Variants in COL8A2 observed in about 807,000 individuals in gnomAD.
COL8A2 encodes collagen type VIII alpha 2 chain.
Under a neutral mutation model 24.0 loss-of-function variants are expected in COL8A2, and 16 were observed. The observed-to-expected ratio is 0.67, with a 90% confidence interval of 0.45 to 1.01. COL8A2 has a LOEUF of 1.01. Among genes scored for constraint, COL8A2 ranks in the 50% least tolerant of loss-of-function variants. COL8A2 has a pLI of 0.00. For synonymous variants in COL8A2, 466 were observed against 424.5 expected, an observed-to-expected ratio of 1.10 and a Z score of -1.20; for missense variants, 818 against 942.4, an observed-to-expected ratio of 0.87 and a Z score of 1.73.
At chr1:36,102,965 AC>A (rs955889081) in intron 2 of COL8A2, among the ~76,000 whole-genome samples, 2 of 151,900 alleles carry the variant, frequency 1.3e-5, no homozygotes, top group Non-Finnish European at 2.9e-5. Flanking sequence ...GAGCCACTGC[AC>A]CCAGCCTAAA....
intron 1 of COL8A2, among the ~76,000 whole-genome samples, chr1:36,120,831 A>G (rs941917649): frequency 1.3e-5 from 2 of 151,000 alleles, no homozygotes; most frequent in Non-Finnish European, 2.9e-5. Context: ...GCTAACACCT[A>G]TAATCCCAGC....
In COL8A2 at chr1:36,099,030, C is replaced by T. The variant is rs766931276; in HGVS notation, c.651G>A (p.Gly217=). ...CGGGGGCACCCCCCTGCCCTGGGGC[C>T]CCAGGCAGCCCGGGCTGGCCCACTC... The part of the protein sequence containing the change: ...DNGVGQPGLP[G]APGQGGAPGP... Residue 217 remains glycine (G), a synonymous_variant, in exon 4 of 4, where the codon GGG becomes GGA. Coordinates refer to ENST00000397799, the MANE Select transcript of COL8A2 (RefSeq NM_005202.4). 1.9e-6 allele frequency: 3 copies of T among 1,552,240 alleles called. No homozygotes were observed. Among genetic ancestry groups the T allele is most frequent in the Non-Finnish European group, 2.6e-6 (3 of 1,151,244 alleles).
chr1:36,118,881 G>A lies in COL8A2; in HGVS notation c.-61-3129C>T, dbSNP rs541745294. 6.6e-4 allele frequency among the ~76,000 whole-genome samples: 100 copies of A among 152,350 alleles called. 2 individuals are homozygous for A. The highest frequency in any genetic ancestry group is 6.8e-3 in the Middle Eastern group (2 of 294). ...ACTACGGGCAGGCTCTGGACTAAGA[G>A]TCTTGCTTTAAAAATCATGTCGGAT... On this transcript the variant is annotated intron_variant, in intron 1 of 3. Coordinates refer to ENST00000397799, the MANE Select transcript of COL8A2 (RefSeq NM_005202.4).
At position 36,117,483 on chromosome 1, in the gene COL8A2, C is replaced by T. The variant is rs544826263; in HGVS notation, c.-61-1731G>A. Among the ~76,000 whole-genome samples the T allele has an allele frequency of 2.6e-5, 4 of 152,234 alleles. No homozygotes were observed. The South Asian group carries it at 8.3e-4, about 32-fold the overall frequency. On this transcript the variant is annotated intron_variant, in intron 1 of 3. Transcript: ENST00000397799. ...CAGCATGTGTGAGAGTGTAAAAGCC[C>T]TGAATATATTCAGGGGATGGAGAGA...
Position 36,123,825 on chromosome 1 carries a change from G to A in COL8A2, c.-62+1232C>T, listed in dbSNP as rs1281493516. ...TCATCTAGGGTCATTGTGTGTCCAA[G>A]GGTTTGTAGGTGTTCACCAGTCCAC... On this transcript the variant is annotated intron_variant, in intron 1 of 3. Coordinates refer to ENST00000397799, the MANE Select transcript of COL8A2 (RefSeq NM_005202.4). The surrounding 1 kb of genome is among the most constrained non-coding windows in gnomAD (Gnocchi z 4.1). 6.6e-6 allele frequency among the ~76,000 whole-genome samples: 1 copy of A among 152,142 alleles called. No individual in the cohort carries two copies. The highest frequency in any genetic ancestry group is 1.5e-5 in the Non-Finnish European group (1 of 68,018).
chr1:36,112,194 G>A (rs1482953279), intron 2 of COL8A2, among the ~76,000 whole-genome samples: 3 of 151,934 alleles, frequency 2.0e-5, no homozygotes, highest in African/African-American at 7.3e-5. Context: ...CAGTAGAGAC[G>A]GGGTTTCACC....
At chr1:36,110,221 C>T (rs535337018) in intron 2 of COL8A2, among the ~76,000 whole-genome samples, 199 of 149,722 alleles carry the variant, frequency 1.3e-3, no homozygotes, top group Non-Finnish European at 2.2e-3. Context: ...CGTGAGCCAC[C>T]GCGCCAGGCC....
intron 2 of COL8A2, among the ~76,000 whole-genome samples, chr1:36,106,001 G>A (rs539159579): frequency 7.4e-4 from 112 of 150,746 alleles, no homozygotes; most frequent in African/African-American, 2.1e-3. Flanking sequence ...GGCAGGGCGC[G>A]GTGGCTCACC....
At position 36,098,142 on chromosome 1, in the gene COL8A2, G is replaced by T. The variant is rs771087390; in HGVS notation, c.1539C>A (p.Gly513=). 2 of 1,480,764 alleles carry T rather than the reference G, an allele frequency of 1.4e-6. No individual in the cohort carries two copies. Among genetic ancestry groups the T allele is most frequent in the South Asian group, 1.3e-5 (1 of 75,686 alleles). 91.7% of individuals were successfully genotyped at this position (1,480,764 alleles called of 1,614,324 possible). Residue 513 remains glycine, a synonymous_variant, in exon 4 of 4, where the codon GGC becomes GGA. Coordinates refer to ENST00000397799, the MANE Select transcript of COL8A2 (RefSeq NM_005202.4). ...CCGGAGGGCCCGTGATTCCAGGGGA[G>T]CCAGGGACCCCTGGGGGCCCCGTGG... ...AGPTGPPGVP[G]SPGITGPPGP...
chr1:36,100,145 C>T lies in COL8A2; in HGVS notation c.98G>A (p.Gly33Asp). The change falls in exon 3 of 4, where the codon GGT becomes GAT. Residue 33 changes from glycine to aspartate, a missense_variant. By Grantham distance (94) the Gly-to-Asp change is moderately conservative. Transcript: ENST00000397799. ...CACTGGGGCATAGCCCGCCGCCCCA[C>T]CGGCCCCGCCACCAGAGGACGCCCG... ...GPRASSGGGA[G>D]GAAGYAPVKY... The T allele has an allele frequency of 6.2e-7, 1 of 1,612,592 alleles. No individual in the cohort carries two copies.
At chr1:36,108,193 G>A (rs1365874689) in intron 2 of COL8A2, among the ~76,000 whole-genome samples, 1 of 152,246 alleles carries the variant, frequency 6.6e-6, no homozygotes, top group East Asian at 1.9e-4. Context: ...GGAAAAGCAA[G>A]GAACATTCAC....
intron 2 of COL8A2, among the ~76,000 whole-genome samples, chr1:36,108,696 CT>C (rs1643795876): frequency 1.3e-5 from 2 of 152,140 alleles, no homozygotes; most frequent in Admixed American, 6.5e-5. Context: ...GCTCTGGGAT[CT>C]TTCAGACCAG....
intron 2 of COL8A2, among the ~76,000 whole-genome samples, chr1:36,105,199 T>C (rs1239366202): frequency 1.3e-5 from 2 of 152,170 alleles, no homozygotes; most frequent in Non-Finnish European, 2.9e-5. Flanking sequence ...CATGGACCTG[T>C]CAGCTCTCAT....
chr1:36,098,093 G>A lies in COL8A2; in HGVS notation c.1588C>T (p.Pro530Ser), dbSNP rs924458640. 3.9e-6 allele frequency: 6 copies of A among 1,528,570 alleles called. No homozygotes were observed. The highest frequency in any genetic ancestry group is 5.2e-6 in the Non-Finnish European group (6 of 1,146,970). The allele number at this position is 1,528,570 out of a possible 1,614,324, so 94.7% of individuals were successfully genotyped here. A position where few individuals can be genotyped will look rare whatever the true frequency, so the allele number is the denominator to read the frequency against. Reference protein sequence around the residue: ...PPGPPGPPGPPGAPGAFDETG... With the variant: ...PPGPPGPPGPSGAPGAFDETG... ...TCATCGAAGGCCCCAGGGGCACCAG[G>A]GGGTCCCGGGGGCCCGGGAGGCCCC... Residue 530 changes from proline (P) to serine (S), a missense_variant, in exon 4 of 4, where the codon CCT (proline) becomes TCT (serine). By Grantham distance (74) the Pro-to-Ser change is moderately conservative. This residue lies in a region of COL8A2 where 235 missense variants were observed against 297.3 expected (regional missense o/e 0.79). Coordinates refer to ENST00000397799, the MANE Select transcript of COL8A2 (RefSeq NM_005202.4).
At chr1:36,104,816 T>A (rs908658214) in intron 2 of COL8A2, among the ~76,000 whole-genome samples, 5 of 152,038 alleles carry the variant, frequency 3.3e-5, no homozygotes, top group African/African-American at 1.2e-4. Context: ...AATTAATTAA[T>A]TAAATAAAAT....
chr1:36,099,927 T>G, intron 3 of COL8A2, 123 bp downstream of exon 3: 2 of 919,514 alleles, frequency 2.2e-6, no homozygotes, highest in Non-Finnish European at 1.8e-6. Context: ...ACACTGAAGG[T>G]AGGAAAATTG....
intron 2 of COL8A2, among the ~76,000 whole-genome samples, chr1:36,114,647 C>T (rs997805044): frequency 6.6e-6 from 1 of 152,218 alleles, no homozygotes; most frequent in Non-Finnish European, 1.5e-5. Flanking sequence ...AGAACAGCTC[C>T]TTCTGGGCAC....
chr1:36,109,933 T>G (rs1201268731), intron 2 of COL8A2, among the ~76,000 whole-genome samples: 1 of 141,974 alleles, frequency 7.0e-6, no homozygotes, highest in African/African-American at 2.6e-5. Flanking sequence ...TACTTCCTTT[T>G]TTTTTTTTTT....
chr1:36,110,844 A>G (rs937502435), intron 2 of COL8A2, among the ~76,000 whole-genome samples: 3 of 152,062 alleles, frequency 2.0e-5, no homozygotes, highest in East Asian at 1.9e-4. Context: ...CTTTTCCCCA[A>G]CCATTCCTGA....
Sources: allele counts gnomAD v4.1 joint callset (sites outside exome capture counted in the v4.1 genomes callset), GRCh38; gene constraint gnomAD v4.1.1; regional missense constraint gnomAD v4.1.1; non-coding constraint Gnocchi (gnomAD v3.1); transcripts MANE v1.5; gene names NCBI Gene and HGNC (gene_info 2026-07-23, HGNC 2026-07-21).